CPPED1: variants seen among roughly 807,000 people sequenced by gnomAD.
The protein encoded by CPPED1 is calcineurin like phosphoesterase domain containing 1.
A neutral mutation model predicts 28.0 loss-of-function variants in CPPED1; 28 were observed. That is an observed-to-expected ratio of 1.00 (90% CI 0.74 to 1.37). CPPED1 has a LOEUF of 1.37. Among genes scored for constraint, CPPED1 ranks in the 40% most tolerant of loss-of-function variants. The pLI, the probability that CPPED1 is intolerant of heterozygous loss-of-function variation, is 0.00. For synonymous variants in CPPED1, 198 were observed against 180.2 expected, an observed-to-expected ratio of 1.10 and a Z score of -0.79; for missense variants, 504 against 416.5, an observed-to-expected ratio of 1.21 and a Z score of -1.83.
At chr16:12,683,046 G>A (rs1371679681) in intron 3 of CPPED1, among the ~76,000 whole-genome samples, 9 of 152,190 alleles carry the variant, frequency 5.9e-5, no homozygotes, top group Non-Finnish European at 1.3e-4. Flanking sequence ...GGCCAGCCAC[G>A]GAAGGAAAAT....
intron 1 of CPPED1, among the ~76,000 whole-genome samples, chr16:12,783,920 C>A (rs1191442062): frequency 6.6e-6 from 1 of 152,152 alleles, no homozygotes; most frequent in East Asian, 1.9e-4. Context: ...CCAGCAGGGA[C>A]TGAGGGAGTC....
intron 3 of CPPED1, among the ~76,000 whole-genome samples, chr16:12,684,490 G>A (rs1311303848): frequency 6.6e-6 from 1 of 152,202 alleles, no homozygotes; most frequent in Non-Finnish European, 1.5e-5. Flanking sequence ...GCCAGTGCCA[G>A]TACAGGACGA....
At chr16:12,728,924 G>A (rs2080183658) in intron 2 of CPPED1, among the ~76,000 whole-genome samples, 1 of 152,188 alleles carries the variant, frequency 6.6e-6, no homozygotes, top group Non-Finnish European at 1.5e-5. Flanking sequence ...TGAGCTCACT[G>A]GGGCGGGACC....
In CPPED1 at chr16:12,663,473, AAAG is replaced by A. The variant is rs1348282689; in HGVS notation, c.*1410_*1412del. 9 of 152,310 alleles carry A rather than the reference AAAG, an allele frequency of 5.9e-5. No homozygotes were observed. Among genetic ancestry groups the A allele is most frequent in the Middle Eastern group, 3.4e-3 (1 of 294 alleles). 9.4% of individuals were successfully genotyped at this position (152,310 alleles called of 1,614,324 possible). On this transcript the variant is annotated 3_prime_UTR_variant, in exon 4 of 4. Transcript: ENST00000381774. ...AAAACAGGATTTCAGCAAAACACTA[AAAG>A]AAGAGCGTTCTAGTTTTTTAAAAAA...
At chr16:12,713,008 G>A (rs2141192553) in intron 2 of CPPED1, among the ~76,000 whole-genome samples, 1 of 152,178 alleles carries the variant, frequency 6.6e-6, no homozygotes, top group East Asian at 1.9e-4. Flanking sequence ...TGTAAAACAA[G>A]TGACAAGGCC....
chr16:12,772,770 T>C (rs529182629), intron 2 of CPPED1, among the ~76,000 whole-genome samples: 1 of 152,218 alleles, frequency 6.6e-6, no homozygotes, highest in Non-Finnish European at 1.5e-5. Context: ...AAGTATCAAC[T>C]TTGCAGATCC....
In CPPED1 at chr16:12,704,874, G is replaced by A. The variant is rs754550316; in HGVS notation, c.465C>T (p.Val155=). The A allele has an allele frequency of 2.7e-5, 43 of 1,614,036 alleles. No individual in the cohort carries two copies. Among genetic ancestry groups the A allele is most frequent in the East Asian group, 4.5e-5 (2 of 44,890 alleles). The change falls in exon 3 of 4, where the codon GTC becomes GTT. Residue 155 remains valine (V), a synonymous_variant. Transcript: ENST00000381774. The part of the protein sequence containing the change: ...TWGDDYFSFW[V]GGVLFLVLNS... ...TGAGGACCAGGAACAGGACGCCCCC[G>A]ACCCAGAAGCTGAAGTAGTCATCTC...
At chr16:12,675,904 C>T (rs2141169405) in intron 3 of CPPED1, among the ~76,000 whole-genome samples, 1 of 152,310 alleles carries the variant, frequency 6.6e-6, no homozygotes, top group Non-Finnish European at 1.5e-5. Flanking sequence ...TAAATAATCC[C>T]TCCTGCCGGT....
At chr16:12,696,438 C>CTTTT (rs1180336228) in intron 3 of CPPED1, among the ~76,000 whole-genome samples, 11 of 120,726 alleles carry the variant, frequency 9.1e-5, no homozygotes, top group Non-Finnish European at 1.2e-4. Flanking sequence ...AAGTGACTTT[C>CTTTT]TTTTTTTTTT....
intron 2 of CPPED1, among the ~76,000 whole-genome samples, chr16:12,779,136 T>G (rs1378626925): frequency 2.0e-5 from 3 of 152,144 alleles, no homozygotes; most frequent in African/African-American, 7.2e-5. Context: ...CGAGAACATG[T>G]TATATAATTC....
At chr16:12,677,502 T>A (rs908235706) in intron 3 of CPPED1, among the ~76,000 whole-genome samples, 5 of 152,112 alleles carry the variant, frequency 3.3e-5, no homozygotes, top group African/African-American at 1.2e-4. Flanking sequence ...TGGATGTGGA[T>A]GTGGTGGTGG....
At chr16:12,712,376 C>T (rs2080084591) in intron 2 of CPPED1, among the ~76,000 whole-genome samples, 2 of 152,138 alleles carry the variant, frequency 1.3e-5, no homozygotes, top group Non-Finnish European at 1.5e-5. Flanking sequence ...GAACTCCTTT[C>T]AGGGGGGAAT....
At chr16:12,785,945 A>AC (rs1218568394) in intron 1 of CPPED1, among the ~76,000 whole-genome samples, 2 of 151,896 alleles carry the variant, frequency 1.3e-5, no homozygotes, top group Non-Finnish European at 1.5e-5. Context: ...GGAAAAAAAA[A>AC]AAAAACCAAA....
intron 2 of CPPED1, among the ~76,000 whole-genome samples, chr16:12,774,241 A>T (rs754484621): frequency 3.9e-4 from 59 of 152,058 alleles, no homozygotes; most frequent in Non-Finnish European, 1.2e-4. Context: ...GGAGGCGAGG[A>T]GGGCAATCAC....
At chr16:12,736,053 G>C (rs1459061014) in intron 2 of CPPED1, among the ~76,000 whole-genome samples, 3 of 152,102 alleles carry the variant, frequency 2.0e-5, no homozygotes, top group Admixed American at 1.3e-4. Flanking sequence ...GCCTGACGGA[G>C]CTTGGTGCCT....
intron 3 of CPPED1, among the ~76,000 whole-genome samples, chr16:12,686,487 G>C (rs2079934175): frequency 6.6e-6 from 1 of 152,182 alleles, no homozygotes; most frequent in Non-Finnish European, 1.5e-5. Flanking sequence ...GATTCAGTGA[G>C]ACTCCATTAG....
chr16:12,723,774 A>G (rs545944248), intron 2 of CPPED1, among the ~76,000 whole-genome samples: 2 of 152,250 alleles, frequency 1.3e-5, no homozygotes, highest in East Asian at 3.9e-4. Flanking sequence ...GGGAGAAGGA[A>G]TGCTCTTTGG....
intron 2 of CPPED1, among the ~76,000 whole-genome samples, chr16:12,727,107 C>T (rs1232488362): frequency 4.6e-5 from 7 of 152,162 alleles, no homozygotes; most frequent in Non-Finnish European, 8.8e-5. Flanking sequence ...AGACCATATA[C>T]AACTGGAGCC....
intron 2 of CPPED1, among the ~76,000 whole-genome samples, chr16:12,777,272 A>G (rs1441523454): frequency 2.0e-5 from 3 of 152,256 alleles, no homozygotes; most frequent in Non-Finnish European, 4.4e-5. Context: ...GGATGAATGT[A>G]TATGTTAGTA....
Sources: gnomAD v4.1 joint callset for allele counts (sites outside exome capture counted in the v4.1 genomes callset) on GRCh38, gnomAD v4.1.1 for gene constraint, MANE v1.5 for transcripts, NCBI Gene and HGNC (gene_info 2026-07-23, HGNC 2026-07-21) for gene names.